PPIP5K2: variants seen among roughly 807,000 people sequenced by gnomAD.
The protein encoded by PPIP5K2 is diphosphoinositol pentakisphosphate kinase 2, also known as inositol hexakisphosphate and diphosphoinositol-pentakisphosphate kinase 2.
In PPIP5K2, 105 loss-of-function variants were observed where a neutral mutation model predicts 154.6. That is an observed-to-expected ratio of 0.68 (90% CI 0.58 to 0.80). The LOEUF (loss-of-function observed/expected upper bound fraction) is 0.80, where lower values mean the gene tolerates loss of function less well. Among genes scored for constraint, PPIP5K2 ranks in the 30% least tolerant of loss-of-function variants. The probability of loss-of-function intolerance (pLI) is 0.00; values close to 1 mark genes in which losing one functional copy is unlikely to be tolerated. For synonymous variants in PPIP5K2, 480 were observed against 490.3 expected (o/e 0.98, Z 0.28); for missense variants, 992 against 1,504.6 (o/e 0.66, Z 5.64).
rs1189977440 is a variant in PPIP5K2 at position 103,209,707 on chromosome 5, G to A, written c.*8073G>A. The A allele has an allele frequency of 2.0e-5, 3 of 152,100 alleles. No homozygotes were observed. 9.4% of individuals were successfully genotyped at this position (152,100 alleles called of 1,614,324 possible). A position where few individuals can be genotyped will look rare whatever the true frequency, so the allele number is the denominator to read the frequency against. ...AAAGCCATAGATTTGTCTTAAGTTA[G>A]TCAATGCTGAATAGAAAGCTTGATG... is the stretch of plus-strand genomic sequence containing the variant. On this transcript the variant is annotated 3_prime_UTR_variant, in exon 31 of 31. Transcript: ENST00000358359.
Position 103,146,621 on chromosome 5 carries a change from C to T in PPIP5K2, c.582C>T (p.His194=). 6.2e-7 allele frequency: 1 copy of T among 1,612,386 alleles called. No individual in the cohort carries two copies. Among genetic ancestry groups the T allele is most frequent in the South Asian group, 1.1e-5 (1 of 90,994 alleles). Residue 194 remains histidine (H), a synonymous_variant, in exon 6 of 31, where the codon CAC becomes CAT. Coordinates refer to ENST00000358359, the MANE Select transcript of PPIP5K2 (RefSeq NM_001276277.3). ...AAAAGCCAGTCAGTGCAGAAGATCA[C>T]AATGTTTACATTTATTACCCAACTT... ...FVEKPVSAED[H]NVYIYYPTSA... is the part of the protein sequence containing the mutation.
In PPIP5K2 at chr5:103,205,878, T is replaced by C. The variant is rs1427045680; in HGVS notation, c.*4244T>C. ...TTTATTTTGGCTTGCATTTGCCTGA[T>C]ATTCATCTTTTTACTTTTTGGTATT... On this transcript the variant is annotated 3_prime_UTR_variant, in exon 31 of 31. Transcript: ENST00000358359. The C allele has an allele frequency of 6.6e-6, 1 of 152,174 alleles. No individual in the cohort carries two copies. The highest frequency in any genetic ancestry group is 2.4e-5 in the African/African-American group (1 of 41,458). The allele number at this position is 152,174 out of a possible 1,614,324, so 9.4% of individuals were successfully genotyped here. A position where few individuals can be genotyped will look rare whatever the true frequency, so the allele number is the denominator to read the frequency against.
intron 30 of PPIP5K2, among the ~76,000 whole-genome samples, chr5:103,197,753 T>G (rs1272372964): frequency 6.6e-6 from 1 of 151,308 alleles, no homozygotes; most frequent in Non-Finnish European, 1.5e-5. Context: ...TTTTTTTGTG[T>G]TTTTAGTAGA....
intron 16 of PPIP5K2, 115 bp from the exon 17 acceptor site, chr5:103,159,028 TTAA>T (rs1795828220): frequency 1.5e-6 from 1 of 679,590 alleles, no homozygotes; most frequent in Non-Finnish European, 2.3e-6. Flanking sequence ...AACTGTAGTA[TTAA>T]TAAAGTTTAT....
chr5:103,177,532 T>C, intron 21 of PPIP5K2, 135 bp from the exon 22 acceptor site: 1 of 533,038 alleles, frequency 1.9e-6, no homozygotes, highest in Non-Finnish European at 3.3e-6. Flanking sequence ...GGAATTATTT[T>C]TTAAAATTTT....
intron 9 of PPIP5K2, 112 bp from the exon 10 acceptor site, chr5:103,152,535 TG>T (rs1431320053): frequency 1.6e-6 from 1 of 610,888 alleles, no homozygotes; most frequent in Non-Finnish European, 2.9e-6. Flanking sequence ...TTATCTTTTA[TG>T]TGATGTAATC....
intron 1 of PPIP5K2, among the ~76,000 whole-genome samples, chr5:103,128,985 T>C (rs1790176973): frequency 6.6e-6 from 1 of 152,210 alleles, no homozygotes. Context: ...GAGATTTAGC[T>C]TTAATATAAT....
At chr5:103,182,472 C>T (rs189523040) in intron 24 of PPIP5K2, among the ~76,000 whole-genome samples, 1 of 152,276 alleles carries the variant, frequency 6.6e-6, no homozygotes. Context: ...CGTCCATCAT[C>T]TCCATGGATA....
chr5:103,129,270 G>T (rs1249668080), intron 1 of PPIP5K2, 36 bp from the exon 2 acceptor site: 1 of 163,322 alleles, frequency 6.1e-6, no homozygotes, highest in East Asian at 1.7e-4. Flanking sequence ...TTTTTGGAGT[G>T]CACTCTCCAA....
At chr5:103,160,368 T>A (rs924790189) in intron 17 of PPIP5K2, among the ~76,000 whole-genome samples, 1 of 152,320 alleles carries the variant, frequency 6.6e-6, no homozygotes, top group East Asian at 1.9e-4. Context: ...GGCTCTACAG[T>A]ATTAATTTAC....
chr5:103,123,147 C>T (rs1789056808), intron 1 of PPIP5K2, among the ~76,000 whole-genome samples: 1 of 152,162 alleles, frequency 6.6e-6, no homozygotes, highest in Admixed American at 6.5e-5. Context: ...CAACATTTAA[C>T]AAAATATTAA....
Position 103,201,707 on chromosome 5 carries a change from T to G in PPIP5K2, c.*73T>G. ...TCTTATGTTTCTCCTTATGCATTTA[T>G]GTGTTCACTTAAAAATGTTTTTAAA... On this transcript the variant is annotated 3_prime_UTR_variant, in exon 31 of 31. Coordinates refer to ENST00000358359, the MANE Select transcript of PPIP5K2 (RefSeq NM_001276277.3). 1 of 1,050,426 alleles carries G rather than the reference T, an allele frequency of 9.5e-7. No homozygotes were observed. Among genetic ancestry groups the G allele is most frequent in the Non-Finnish European group, 1.4e-6 (1 of 726,598 alleles). The allele number at this position is 1,050,426 out of a possible 1,614,324, so 65.1% of individuals were successfully genotyped here. A position where few individuals can be genotyped will look rare whatever the true frequency, so the allele number is the denominator to read the frequency against.
intron 3 of PPIP5K2, among the ~76,000 whole-genome samples, chr5:103,134,532 T>C (rs1404824382): frequency 2.0e-5 from 3 of 152,172 alleles, no homozygotes; most frequent in Non-Finnish European, 4.4e-5. Flanking sequence ...CATTATTTCA[T>C]AGAGAAGTCA....
At chr5:103,179,663 A>C (rs146151952) in intron 23 of PPIP5K2, among the ~76,000 whole-genome samples, 3 of 152,148 alleles carry the variant, frequency 2.0e-5, no homozygotes, top group African/African-American at 7.2e-5. Flanking sequence ...TGAGACTCCT[A>C]TATAACAAAG....
rs1554204353 is a variant in PPIP5K2 at position 103,136,670 on chromosome 5, T to A, written c.311-62T>A. 4.5e-6 allele frequency: 6 copies of A among 1,332,592 alleles called. No individual in the cohort carries two copies. In the African/African-American group the frequency reaches 8.7e-5, roughly 19 times the overall value. 82.5% of individuals were successfully genotyped at this position (1,332,592 alleles called of 1,614,324 possible). ...TATGGGAGGTGGCATCAATTCAAGTTAATAAAGTATAGATGCTTATCTTGA... is the reference window on the plus strand; with the variant it reads ...TATGGGAGGTGGCATCAATTCAAGTAAATAAAGTATAGATGCTTATCTTGA... On this transcript the variant is annotated intron_variant, in intron 3 of 30. Coordinates refer to ENST00000358359, the MANE Select transcript of PPIP5K2 (RefSeq NM_001276277.3).
chr5:103,165,477 AT>A (rs1487987077), intron 17 of PPIP5K2, among the ~76,000 whole-genome samples: 1 of 152,228 alleles, frequency 6.6e-6, no homozygotes, highest in Non-Finnish European at 1.5e-5. Flanking sequence ...ATAATCTTGT[AT>A]TATCTTGTTA....
intron 19 of PPIP5K2, 117 bp from the exon 20 acceptor site, chr5:103,173,038 A>G (rs1798195582): frequency 1.3e-6 from 1 of 755,456 alleles, no homozygotes; most frequent in Non-Finnish European, 2.0e-6. Flanking sequence ...GAGTTATCCA[A>G]CGTTCAAAAA....
At chr5:103,154,620 G>C (rs1253800326) in intron 11 of PPIP5K2, 50 bp from the exon 12 acceptor site, 1 of 1,089,624 alleles carries the variant, frequency 9.2e-7, no homozygotes, top group African/African-American at 1.6e-5. Context: ...ACATATATTG[G>C]TAATGTTAAT....
chr5:103,156,026 T>C lies in PPIP5K2; in HGVS notation c.1489+32T>C, dbSNP rs782099046. ...TATTCTTAATGCTTATACAGTAGTT[T>C]TATATGTAGTAACTTGTTATTCACT... On this transcript the variant is annotated intron_variant, in intron 14 of 30. Transcript: ENST00000358359. 2.7e-5 allele frequency: 37 copies of C among 1,376,162 alleles called. No homozygotes were observed. In the South Asian group the frequency reaches 3.3e-4, roughly 12 times the overall value. The allele number at this position is 1,376,162 out of a possible 1,614,324, so 85.2% of individuals were successfully genotyped here. A position where few individuals can be genotyped will look rare whatever the true frequency, so the allele number is the denominator to read the frequency against.
Sources: allele counts gnomAD v4.1 joint callset (sites outside exome capture counted in the v4.1 genomes callset), GRCh38; gene constraint gnomAD v4.1.1; transcripts MANE v1.5; gene names NCBI Gene and HGNC (gene_info 2026-07-23, HGNC 2026-07-21).